RAD9B: variants seen among roughly 807,000 people sequenced by gnomAD.
RAD9B encodes cell cycle checkpoint control protein RAD9B.
In RAD9B, 41 loss-of-function variants were observed where a neutral mutation model predicts 48.3. That is an observed-to-expected ratio of 0.85 (90% CI 0.66 to 1.10). The LOEUF (loss-of-function observed/expected upper bound fraction) is 1.10, where lower values mean the gene tolerates loss of function less well. RAD9B is among the 50% of genes least tolerant of loss of function. The probability of loss-of-function intolerance (pLI) is 0.00; values close to 1 mark genes in which losing one functional copy is unlikely to be tolerated. For synonymous variants in RAD9B, 160 were observed against 157.9 expected (o/e 1.01, Z -0.10); for missense variants, 444 against 485.1 (o/e 0.92, Z 0.80).
chr12:110,515,021 A>C (rs765268544), intron 5 of RAD9B, 29 bp from the exon 6 acceptor site: 4 of 1,331,522 alleles, frequency 3.0e-6, no homozygotes, highest in Admixed American at 2.1e-5. Flanking sequence ...TTTTCAAATA[A>C]TGTTAATACT....
intron 10 of RAD9B, among the ~76,000 whole-genome samples, chr12:110,523,295 G>A (rs1260361676): frequency 6.6e-6 from 1 of 152,044 alleles, no homozygotes; most frequent in African/African-American, 2.4e-5. Context: ...TTAGCCAGAT[G>A]TGGTGGCTGT....
chr12:110,520,720 A>G (rs2063760843), intron 9 of RAD9B, among the ~76,000 whole-genome samples: 2 of 137,006 alleles, frequency 1.5e-5, no homozygotes, highest in South Asian at 4.5e-4. Flanking sequence ...GCATGATCTC[A>G]GCTCACTAAA....
chr12:110,507,596 A>G (rs574154395), intron 4 of RAD9B, among the ~76,000 whole-genome samples: 5 of 146,110 alleles, frequency 3.4e-5, no homozygotes, highest in African/African-American at 1.2e-4. Context: ...TACATAATAC[A>G]TATTATGTAT....
At chr12:110,505,136 T>C (rs1196829700) in intron 2 of RAD9B, among the ~76,000 whole-genome samples, 1 of 152,142 alleles carries the variant, frequency 6.6e-6, no homozygotes, top group African/African-American at 2.4e-5. Flanking sequence ...TATACACCTA[T>C]ATATACGTAC....
At chr12:110,514,841 C>T (rs2135691791) in intron 5 of RAD9B, among the ~76,000 whole-genome samples, 1 of 152,324 alleles carries the variant, frequency 6.6e-6, no homozygotes, top group Middle Eastern at 3.4e-3. Context: ...TTGCTATTCT[C>T]TTGGCCTTCA....
chr12:110,513,715 ATTATTATTATT>A (rs998417511), intron 5 of RAD9B, among the ~76,000 whole-genome samples: 28 of 146,362 alleles, frequency 1.9e-4, no homozygotes, highest in Admixed American at 1.8e-3. Context: ...TATTATTATT[ATTATTATTATT>A]ATTATTATTA....
At position 110,530,391 on chromosome 12, in the gene RAD9B, T is replaced by A. The variant is rs948930034; in HGVS notation, c.1126-134T>A. ...TTGGACCAATAATGAAGGTTCTGGGTGTTCTGTGAACCATCACCAGCAAAG... is the reference window on the plus strand; with the variant it reads ...TTGGACCAATAATGAAGGTTCTGGGAGTTCTGTGAACCATCACCAGCAAAG... On this transcript the variant is annotated intron_variant, in intron 10 of 10. Coordinates refer to ENST00000409300, the MANE Select transcript of RAD9B (RefSeq NM_001286535.2). 9 of 801,432 alleles carry A rather than the reference T, an allele frequency of 1.1e-5. No individual in the cohort carries two copies. The Admixed American group carries it at 2.1e-4, about 19-fold the overall frequency. The allele number at this position is 801,432 out of a possible 1,614,324, so 49.6% of individuals were successfully genotyped here. A position where few individuals can be genotyped will look rare whatever the true frequency, so the allele number is the denominator to read the frequency against.
At chr12:110,525,011 C>T (rs892178223) in intron 10 of RAD9B, among the ~76,000 whole-genome samples, 5 of 151,940 alleles carry the variant, frequency 3.3e-5, no homozygotes, top group South Asian at 2.1e-4. Flanking sequence ...TTTTTTTAGA[C>T]GGAGTTTCAT....
Position 110,531,666 on chromosome 12 carries a change from G to C in RAD9B, c.*1013G>C. On this transcript the variant is annotated 3_prime_UTR_variant, in exon 11 of 11. Coordinates refer to ENST00000409300, the MANE Select transcript of RAD9B (RefSeq NM_001286535.2). ...ATCCTCCACTGCCAAGACAGCCTGA[G>C]TTTGGAGTGGAATAAGGTGGAAGAC... is the stretch of plus-strand genomic sequence containing the variant. 6.3e-7 allele frequency: 1 copy of C among 1,596,990 alleles called. No homozygotes were observed. The highest frequency in any genetic ancestry group is 8.5e-7 in the Non-Finnish European group (1 of 1,170,888).
chr12:110,520,161 T>C (rs2063730798), intron 9 of RAD9B, among the ~76,000 whole-genome samples: 1 of 152,190 alleles, frequency 6.6e-6, no homozygotes, highest in South Asian at 2.1e-4. Flanking sequence ...TTTATCTGTG[T>C]TGTTTCCCAG....
intron 10 of RAD9B, 78 bp downstream of exon 10, chr12:110,522,489 C>A (rs2063816976): frequency 1.0e-6 from 1 of 958,428 alleles, no homozygotes; most frequent in African/African-American, 1.7e-5. Context: ...TCCCCAATCC[C>A]CACCCAGCCA....
chr12:110,516,834 G>GTA (rs954927935), intron 6 of RAD9B, among the ~76,000 whole-genome samples: 64 of 151,342 alleles, frequency 4.2e-4, no homozygotes, highest in African/African-American at 1.4e-3. Context: ...TAATAAATAT[G>GTA]TATATATATA....
rs1006261317 is a variant in RAD9B at position 110,531,981 on chromosome 12, C to T, written c.*1328C>T. ...CTGAGTGGATTTGCATGCTTTAGAA[C>T]TGTGAATAGAGTTCTAACTGAAACC... On this transcript the variant is annotated 3_prime_UTR_variant, in exon 11 of 11. Coordinates refer to ENST00000409300, the MANE Select transcript of RAD9B (RefSeq NM_001286535.2). The T allele has an allele frequency of 2.2e-5, 5 of 226,278 alleles. No homozygotes were observed. Among genetic ancestry groups the T allele is most frequent in the Admixed American group, 1.2e-4 (2 of 16,558 alleles). The allele number at this position is 226,278 out of a possible 1,614,324, so 14.0% of individuals were successfully genotyped here.
In RAD9B at chr12:110,519,763, T is replaced by C. The variant is rs375901010; in HGVS notation, c.768-31T>C. 1.9e-6 allele frequency: 3 copies of C among 1,581,634 alleles called. No homozygotes were observed. In the South Asian group the frequency reaches 3.5e-5, roughly 19 times the overall value. The stretch of plus-strand genomic sequence containing the variant: ...TTTCTAATGTCCATCAGAAAATGAG[T>C]GTCACTGTTGCTCTGACTTGGCTTT... On this transcript the variant is annotated intron_variant, in intron 8 of 10. Coordinates refer to ENST00000409300, the MANE Select transcript of RAD9B (RefSeq NM_001286535.2).
intron 4 of RAD9B, among the ~76,000 whole-genome samples, chr12:110,506,930 C>T (rs529416536): frequency 6.6e-6 from 1 of 151,970 alleles, no homozygotes; most frequent in East Asian, 1.9e-4. Context: ...ACCTCCACCT[C>T]GTGGGTTCAA....
rs761767195 is a variant in RAD9B, at chr12:110,530,578, C to T, written c.1179C>T (p.Asn393=). The change falls in exon 11 of 11, where the codon AAC becomes AAT. Residue 393 remains asparagine (N), a synonymous_variant. Coordinates refer to ENST00000409300, the MANE Select transcript of RAD9B (RefSeq NM_001286535.2). Reference sequence around the variant, plus strand: ...CTTCTGACCAGCAAGAACACTTCAACCACCCTTTCGACAGTCTGGCAAGAG... The same window carrying T: ...CTTCTGACCAGCAAGAACACTTCAATCACCCTTTCGACAGTCTGGCAAGAG... The part of the protein sequence containing the change: ...AVSSDQQEHF[N]HPFDSLARAS... 1 of 1,613,998 alleles carries T rather than the reference C, an allele frequency of 6.2e-7. No individual in the cohort carries two copies. Among genetic ancestry groups the T allele is most frequent in the Non-Finnish European group, 8.5e-7 (1 of 1,179,860 alleles).
At chr12:110,505,896 T>G in intron 3 of RAD9B, 124 bp downstream of exon 3, 1 of 783,134 alleles carries the variant, frequency 1.3e-6, no homozygotes, top group African/African-American at 1.8e-5. Context: ...TTATTATTAT[T>G]ATTTTTGAGA....
chr12:110,518,048 G>C (rs1473905161), intron 6 of RAD9B, among the ~76,000 whole-genome samples: 3 of 151,978 alleles, frequency 2.0e-5, no homozygotes, highest in Non-Finnish European at 4.4e-5. Context: ...AAAATTAGCC[G>C]AGTGTGGTGG....
chr12:110,507,572 A>AT, intron 4 of RAD9B, among the ~76,000 whole-genome samples: 2 of 143,528 alleles, frequency 1.4e-5, no homozygotes, highest in African/African-American at 5.1e-5. Flanking sequence ...TATGTATTAT[A>AT]TATGTATAAT....
Sources: allele counts gnomAD v4.1 joint callset (sites outside exome capture counted in the v4.1 genomes callset), GRCh38; gene constraint gnomAD v4.1.1; transcripts MANE v1.5; gene names NCBI Gene and HGNC (gene_info 2026-07-23, HGNC 2026-07-21).